Variants in FAT4 observed in about 807,000 individuals in gnomAD.
The protein encoded by FAT4 is FAT atypical cadherin 4, also known as protocadherin Fat 4.
FAT4 carries 84 observed loss-of-function variants against 303.9 expected under a neutral mutation model. That is an observed-to-expected ratio of 0.28 (90% CI 0.23 to 0.33). The LOEUF is 0.33. Ranked by LOEUF, FAT4 falls within the 10% of genes least tolerant of loss-of-function variation. The pLI is 1.00. For synonymous variants in FAT4, 2,307 were observed against 2,298.8 expected (o/e 1.00, Z -0.10); for missense variants, 6,005 against 6,146.8 (o/e 0.98, Z 0.77).
At chr4:125,461,715 A>G (rs1726490673) in intron 10 of FAT4, among the ~76,000 whole-genome samples, 2 of 151,986 alleles carry the variant, frequency 1.3e-5, no homozygotes, top group South Asian at 4.1e-4. Context: ...TGAAAACCAA[A>G]TGGAAAGAGT....
intron 7 of FAT4, among the ~76,000 whole-genome samples, chr4:125,431,489 A>G (rs1050939201): frequency 6.6e-6 from 1 of 152,224 alleles, no homozygotes; most frequent in African/African-American, 2.4e-5. Context: ...TGTAATACAG[A>G]AAACTATATA....
intron 7 of FAT4, 82 bp from the exon 8 acceptor site, chr4:125,434,163 T>C: frequency 7.8e-7 from 1 of 1,285,476 alleles, no homozygotes; most frequent in Non-Finnish European, 1.1e-6. Context: ...TTCTCTTTAG[T>C]AATTCTGTCT....
chr4:125,322,657 T>C (rs1214682625), intron 2 of FAT4, among the ~76,000 whole-genome samples: 1 of 152,016 alleles, frequency 6.6e-6, no homozygotes, highest in Non-Finnish European at 1.5e-5. Context: ...CTCATGTGCT[T>C]GTTTTCTTGC....
chr4:125,436,152 G>A (rs148986608), intron 8 of FAT4, among the ~76,000 whole-genome samples: 9,125 of 150,404 alleles, frequency 0.061, 429 homozygotes, highest in East Asian at 0.2. Flanking sequence ...TAACAAACCT[G>A]CACATTGTGC....
chr4:125,350,747 C>T (rs1732190712), intron 2 of FAT4, among the ~76,000 whole-genome samples: 1 of 151,622 alleles, frequency 6.6e-6, no homozygotes, highest in Non-Finnish European at 1.5e-5. Flanking sequence ...TACAAAGTTC[C>T]TGCTGATTTC....
chr4:125,449,903 T>A lies in FAT4; in HGVS notation c.8893T>A (p.Leu2965Ile). ...ATCTTCAGATCGAGGTAAACCTTCC[T>A]TAATTAGTGAGACAACAGTTACCAT... ...VTSSDRGKPS[L>I]ISETTVTINI... Residue 2965 changes from leucine to isoleucine, a missense_variant, in exon 10 of 18, where the codon TTA becomes ATA. Coordinates refer to ENST00000394329, the MANE Select transcript of FAT4 (RefSeq NM_001291303.3). The A allele has an allele frequency of 6.2e-7, 1 of 1,613,930 alleles. No homozygotes were observed. Among genetic ancestry groups the A allele is most frequent in the Non-Finnish European group, 8.5e-7 (1 of 1,179,934 alleles).
At position 125,406,927 on chromosome 4, in the gene FAT4, T is replaced by G. The variant is rs778606448; in HGVS notation, c.5355T>G (p.Asp1785Glu). 6.8e-6 allele frequency: 11 copies of G among 1,613,862 alleles called. No individual in the cohort carries two copies. The African/African-American group carries it at 9.3e-5, about 14-fold the overall frequency. The change falls in exon 4 of 18, where the codon GAT becomes GAG. Residue 1785 changes from aspartate to glutamate, a missense_variant. Transcript: ENST00000394329. The stretch of plus-strand genomic sequence containing the variant: ...ACACTATCATTAGTGGAGCTGATGA[T>G]AGTTTTCGCATCGACCCAGAATCCG... ...VTYTIISGADDSFRIDPESGD... is the reference protein window; with the variant it reads ...VTYTIISGADESFRIDPESGD...
Position 125,463,556 on chromosome 4 carries a change from A to AT in FAT4, c.11801-3dup. The AT allele has an allele frequency of 6.5e-7, 1 of 1,547,702 alleles. No homozygotes were observed. The highest frequency in any genetic ancestry group is 8.8e-7 in the Non-Finnish European group (1 of 1,136,166). On this transcript the variant is annotated splice_region_variant and splice_polypyrimidine_tract_variant and intron_variant, in intron 10 of 17. Transcript: ENST00000394329. The stretch of plus-strand genomic sequence containing the variant: ...ATTTAAAAAAAACTGAATTTGATAT[A>AT]TTTTAGGGAAAATGTGTGAATCTTC...
chr4:125,470,784 G>T (rs12505003), intron 12 of FAT4, among the ~76,000 whole-genome samples: 52,857 of 152,036 alleles, frequency 0.35, 9,585 homozygotes, highest in East Asian at 0.58. Context: ...CAGCAATAAG[G>T]CTGTCTTGCT....
At chr4:125,479,680 T>A in intron 14 of FAT4, 61 bp from the exon 15 acceptor site, 1 of 1,437,374 alleles carries the variant, frequency 7.0e-7, no homozygotes, top group Non-Finnish European at 9.3e-7. Context: ...GTATATTGAG[T>A]TTTAGCAAAC....
intron 12 of FAT4, among the ~76,000 whole-genome samples, chr4:125,470,362 C>G (rs1220562447): frequency 6.6e-6 from 1 of 152,176 alleles, no homozygotes; most frequent in Non-Finnish European, 1.5e-5. Flanking sequence ...ATGAGAGAGT[C>G]AGCCTATCCT....
intron 3 of FAT4, among the ~76,000 whole-genome samples, chr4:125,400,173 G>A (rs1327218276): frequency 1.1e-4 from 16 of 151,848 alleles, no homozygotes; most frequent in Admixed American, 1.1e-3. Context: ...TTTATTTGAA[G>A]TGATTTATTC....
chr4:125,457,603 A>T (rs977431051), intron 10 of FAT4, among the ~76,000 whole-genome samples: 3 of 152,046 alleles, frequency 2.0e-5, no homozygotes, highest in Non-Finnish European at 4.4e-5. Context: ...ATGTTTCATT[A>T]TTAAGAAAAT....
At chr4:125,332,127 A>G (rs1428036063) in intron 2 of FAT4, among the ~76,000 whole-genome samples, 2 of 134,624 alleles carry the variant, frequency 1.5e-5, no homozygotes, top group Admixed American at 7.2e-5. Context: ...ATGTCTTTCT[A>G]TTTTTAAAGT....
intron 7 of FAT4, among the ~76,000 whole-genome samples, chr4:125,417,759 T>G (rs979963007): frequency 1.6e-4 from 24 of 152,276 alleles, no homozygotes; most frequent in African/African-American, 5.5e-4. Flanking sequence ...AATGAAAGCA[T>G]TAATTAAACC....
chr4:125,359,890 T>A (rs1054583916), intron 2 of FAT4, among the ~76,000 whole-genome samples: 5 of 152,256 alleles, frequency 3.3e-5, no homozygotes, highest in Admixed American at 3.3e-4. Context: ...CCTGGATCTC[T>A]GGGAGGGAGA....
intron 14 of FAT4, 144 bp from the exon 15 acceptor site, chr4:125,479,597 A>C (rs1727151559): frequency 1.3e-6 from 1 of 748,690 alleles, no homozygotes; most frequent in Non-Finnish European, 1.9e-6. Flanking sequence ...TGGTTTGATT[A>C]GTTTCTCCAA....
intron 2 of FAT4, among the ~76,000 whole-genome samples, chr4:125,382,522 C>G (rs941059482): frequency 2.6e-5 from 4 of 152,144 alleles, no homozygotes; most frequent in African/African-American, 9.7e-5. Flanking sequence ...ATGCTGTAAA[C>G]ATTTGCTGTC....
chr4:125,419,086 C>T (rs1735182028), intron 7 of FAT4, among the ~76,000 whole-genome samples: 1 of 152,120 alleles, frequency 6.6e-6, no homozygotes, highest in Admixed American at 6.5e-5. Context: ...GCTATATGAC[C>T]TTCAACAACT....
Sources: allele counts gnomAD v4.1 joint callset (sites outside exome capture counted in the v4.1 genomes callset), GRCh38; gene constraint gnomAD v4.1.1; transcripts MANE v1.5; gene names NCBI Gene and HGNC (gene_info 2026-07-23, HGNC 2026-07-21).